Variants in HIP1 observed in about 807,000 individuals in gnomAD.
HIP1 encodes huntingtin interacting protein 1.
A neutral mutation model predicts 147.6 loss-of-function variants in HIP1; 65 were observed. That is an observed-to-expected ratio of 0.44 (90% confidence interval 0.36 to 0.54). The LOEUF (loss-of-function observed/expected upper bound fraction) is 0.54, where lower values mean the gene tolerates loss of function less well. HIP1 is among the 20% of genes least tolerant of loss of function. The pLI is 0.00. For missense variants in HIP1, 1,061 were observed against 1,299.6 expected, an observed-to-expected ratio of 0.82 and a Z score of 2.82; for synonymous variants, 479 against 504.0, an observed-to-expected ratio of 0.95 and a Z score of 0.67.
chr7:75,658,930 C>G (rs1554513179), intron 1 of HIP1, among the ~76,000 whole-genome samples: 1 of 151,812 alleles, frequency 6.6e-6, no homozygotes, highest in Non-Finnish European at 1.5e-5. Flanking sequence ...AACAAACAAA[C>G]AAAGAAAAAA....
At chr7:75,594,029 C>T (rs1796597016) in intron 2 of HIP1, among the ~76,000 whole-genome samples, 2 of 151,544 alleles carry the variant, frequency 1.3e-5, no homozygotes, top group African/African-American at 4.9e-5. Flanking sequence ...CACCTCCAAT[C>T]CCAGCACTTT....
intron 1 of HIP1, among the ~76,000 whole-genome samples, chr7:75,640,193 C>A (rs1293274903): frequency 6.6e-6 from 1 of 152,196 alleles, no homozygotes; most frequent in East Asian, 1.9e-4. Context: ...CAGTCTGTCC[C>A]CCCAAAATCA....
chr7:75,678,578 A>C (rs984030754), intron 1 of HIP1, among the ~76,000 whole-genome samples: 3 of 152,144 alleles, frequency 2.0e-5, no homozygotes, highest in Admixed American at 6.6e-5. Context: ...TCCTGACCTC[A>C]AGTGATCCAC....
rs1238121675 is a variant in HIP1, at chr7:75,733,174, C to T, written c.120+5627G>A. Among the ~76,000 whole-genome samples, 2 of 152,222 alleles carry T rather than the reference C, an allele frequency of 1.3e-5. 1 individual carries two copies. The highest frequency in any genetic ancestry group is 4.2e-4 in the South Asian group (2 of 4,818). On this transcript the variant is annotated intron_variant, in intron 1 of 30. Coordinates refer to ENST00000336926, the MANE Select transcript of HIP1 (RefSeq NM_005338.7). ...TTGGCTGGTGGGAGGACAGTGTGGT[C>T]GAACGGGCCTGACACTTGGAACCTG...
intron 2 of HIP1, among the ~76,000 whole-genome samples, chr7:75,595,283 C>CCTTCCTTCCTTCCTTCCTTTTTCTCT (rs1554501698): frequency 1.2e-5 from 1 of 83,400 alleles, no homozygotes; most frequent in African/African-American, 7.5e-5. Context: ...TTCCTTCCTT[C>CCTTCCTTCCTTCCTTCCTTTTTCTCT]CTTTCTTTCT....
At chr7:75,692,280 G>T (rs1437290836) in intron 1 of HIP1, among the ~76,000 whole-genome samples, 3 of 151,246 alleles carry the variant, frequency 2.0e-5, no homozygotes, top group Non-Finnish European at 2.9e-5. Flanking sequence ...TTTTTTTAAG[G>T]CAGGGTCTTG....
chr7:75,680,868 C>T (rs933212450), intron 1 of HIP1, among the ~76,000 whole-genome samples: 26 of 152,232 alleles, frequency 1.7e-4, no homozygotes, highest in African/African-American at 5.8e-4. Flanking sequence ...CTCCGCCTCC[C>T]AGGTTCAGGC....
In HIP1 at chr7:75,582,159, G is replaced by T. The variant is rs782472685; in HGVS notation, c.466-8C>A. On this transcript the variant is annotated splice_polypyrimidine_tract_variant and splice_region_variant and intron_variant, in intron 5 of 30. Transcript: ENST00000336926. The stretch of plus-strand genomic sequence containing the variant: ...GCCTGGGAACCTGGGATTCTGGAAG[G>T]GAGGCAGAGGAAGGGAGTCAGGGCA... 2.5e-6 allele frequency: 4 copies of T among 1,611,754 alleles called. No individual in the cohort carries two copies. In the East Asian group the frequency reaches 6.7e-5, roughly 27 times the overall value.
chr7:75,639,279 G>A (rs1554510102), intron 1 of HIP1: 4 of 151,736 alleles, frequency 2.6e-5, no homozygotes, highest in Non-Finnish European at 1.4e-5. Flanking sequence ...GGGGGAGGGG[G>A]AGGGGGGCGG....
chr7:75,629,156 C>G (rs1798132675), intron 1 of HIP1, among the ~76,000 whole-genome samples: 1 of 152,152 alleles, frequency 6.6e-6, no homozygotes, highest in Non-Finnish European at 1.5e-5. Context: ...AAACTTTGCC[C>G]AACCCACGGT....
At position 75,557,880 on chromosome 7, in the gene HIP1, A is replaced by T. The variant is rs2116824106; in HGVS notation, c.1465-110T>A. On this transcript the variant is annotated intron_variant, in intron 15 of 30. Transcript: ENST00000336926. ...GCGTGCCCTAGAGTCAGACACAGGA[A>T]TCACTTTCCTACCCACAGCCGGAAC... 3.7e-6 allele frequency: 3 copies of T among 807,636 alleles called. 1 individual carries two copies. The Admixed American group carries it at 5.7e-5, about 15-fold the overall frequency. The allele number at this position is 807,636 out of a possible 1,614,324, so 50.0% of individuals were successfully genotyped here.
intron 1 of HIP1, among the ~76,000 whole-genome samples, chr7:75,609,344 C>A (rs992035797): frequency 1.3e-5 from 2 of 152,124 alleles, no homozygotes; most frequent in Non-Finnish European, 2.9e-5. Context: ...TCTAAGGCAA[C>A]CTGTAGGTCC....
intron 1 of HIP1, among the ~76,000 whole-genome samples, chr7:75,729,832 G>A (rs1159073805): frequency 6.6e-6 from 1 of 152,128 alleles, no homozygotes; most frequent in African/African-American, 2.4e-5. Context: ...TTGGATTTGA[G>A]GGACACTGTC....
chr7:75,682,408 A>G (rs1364496683), intron 1 of HIP1, among the ~76,000 whole-genome samples: 6 of 149,620 alleles, frequency 4.0e-5, no homozygotes, highest in Non-Finnish European at 8.9e-5. Context: ...AGGAGGCTAC[A>G]TGCTACTATA....
At chr7:75,543,167 C>T (rs1381718282) in intron 27 of HIP1, among the ~76,000 whole-genome samples, 193 bp from the exon 28 acceptor site, 1 of 152,148 alleles carries the variant, frequency 6.6e-6, no homozygotes, top group Non-Finnish European at 1.5e-5. Context: ...GGCTTCTTTG[C>T]TTGGTGGATC....
Position 75,570,420 on chromosome 7 carries a change from C to T in HIP1, c.746-2164G>A, listed in dbSNP as rs192252199. The stretch of plus-strand genomic sequence containing the variant: ...CATTCTGCTGCCTCAGCCTCCTGAG[C>T]AGCTGGGACTACAGGCGCCCGCCAC... On this transcript the variant is annotated intron_variant, in intron 8 of 30. Transcript: ENST00000336926. Among the ~76,000 whole-genome samples, 457 of 151,242 alleles carry T rather than the reference C, an allele frequency of 3.0e-3. 3 individuals carry two copies. Among genetic ancestry groups the T allele is most frequent in the African/African-American group, 0.01 (414 of 41,282 alleles).
chr7:75,677,560 G>A (rs59590775), intron 1 of HIP1, among the ~76,000 whole-genome samples: 16,810 of 142,068 alleles, frequency 0.12, 1,032 homozygotes, highest in African/African-American at 0.15. Flanking sequence ...AGCCGAGATC[G>A]CGCCACTGTG....
chr7:75,582,831 A>G (rs75861884), intron 5 of HIP1, among the ~76,000 whole-genome samples: 1 of 152,110 alleles, frequency 6.6e-6, no homozygotes, highest in Non-Finnish European at 1.5e-5. Context: ...AGAAAAAAAA[A>G]TCCCCATTGC....
intron 1 of HIP1, among the ~76,000 whole-genome samples, chr7:75,639,549 G>A (rs540008303): frequency 4.0e-5 from 6 of 149,886 alleles, no homozygotes; most frequent in African/African-American, 1.5e-4. Flanking sequence ...GAGGCCGCCG[G>A]CCCGCCAGGA....
Sources: allele counts gnomAD v4.1 joint callset (sites outside exome capture counted in the v4.1 genomes callset), GRCh38; gene constraint gnomAD v4.1.1; transcripts MANE v1.5; gene names NCBI Gene and HGNC (gene_info 2026-07-23, HGNC 2026-07-21).